Variants in PTPRB observed in about 807,000 individuals in gnomAD.
PTPRB encodes the protein protein tyrosine phosphatase receptor type B.
PTPRB carries 97 observed loss-of-function variants against 238.1 expected under a neutral mutation model. The observed-to-expected ratio is 0.41, with a 90% CI of 0.35 to 0.48. The LOEUF is 0.48. Ranked by LOEUF, PTPRB falls within the 20% of genes least tolerant of loss-of-function variation. PTPRB has a pLI of 0.30. For missense variants in PTPRB, 2,292 were observed against 2,681.9 expected, an observed-to-expected ratio of 0.85 and a Z score of 3.21; for synonymous variants, 970 against 995.4, an observed-to-expected ratio of 0.97 and a Z score of 0.48.
chr12:70,596,420 T>G (rs1236286047), intron 4 of PTPRB, 93 bp from the exon 5 acceptor site: 1 of 1,215,940 alleles, frequency 8.2e-7, no homozygotes, highest in Admixed American at 3.8e-5. Flanking sequence ...AAATAACTGC[T>G]TATTTTACTG....
chr12:70,560,953 T>A lies in PTPRB; in HGVS notation c.4169-19A>T. 6.2e-7 allele frequency: 1 copy of A among 1,606,020 alleles called. No individual in the cohort carries two copies. The highest frequency in any genetic ancestry group is 8.5e-7 in the Non-Finnish European group (1 of 1,173,728). On this transcript the variant is annotated intron_variant, in intron 16 of 33. Transcript: ENST00000334414. The surrounding 1 kb of genome is among the most constrained non-coding windows in gnomAD (Gnocchi z 4.2). ...GCTGGGACTTAAACAGAAGAAAAAT[T>A]GTTACTGAGAACAAAACAGAAACAC...
chr12:70,530,758 TG>T (rs1873116646), intron 32 of PTPRB, among the ~76,000 whole-genome samples: 1 of 152,184 alleles, frequency 6.6e-6, no homozygotes, highest in Non-Finnish European at 1.5e-5. Context: ...AAAAATTTTT[TG>T]TGGAGATGGG....
At chr12:70,592,841 G>T (rs1882623059) in intron 6 of PTPRB, among the ~76,000 whole-genome samples, 2 of 152,226 alleles carry the variant, frequency 1.3e-5, no homozygotes, top group South Asian at 4.1e-4. Context: ...CCATTAGTCA[G>T]CTGGGAAACT....
chr12:70,522,267 T>C (rs1316865493), intron 33 of PTPRB, among the ~76,000 whole-genome samples: 1 of 152,158 alleles, frequency 6.6e-6, no homozygotes, highest in Non-Finnish European at 1.5e-5. Flanking sequence ...TATAGAGAGA[T>C]ACCAGTCCAC....
chr12:70,584,601 C>T (rs564787693), intron 9 of PTPRB, among the ~76,000 whole-genome samples: 16 of 152,200 alleles, frequency 1.1e-4, no homozygotes, highest in Non-Finnish European at 1.8e-4. Context: ...CTTTTATGTG[C>T]TGAGAGAAAG....
chr12:70,546,819 GAGA>G (rs1200099265), intron 21 of PTPRB, among the ~76,000 whole-genome samples: 2 of 152,124 alleles, frequency 1.3e-5, no homozygotes, highest in African/African-American at 4.8e-5. Context: ...GAGGCTGGAG[GAGA>G]AGCAGTCCCA....
At chr12:70,549,528 CG>C (rs1210191441) in intron 21 of PTPRB, among the ~76,000 whole-genome samples, 1 of 152,168 alleles carries the variant, frequency 6.6e-6, no homozygotes, top group East Asian at 1.9e-4. Flanking sequence ...AATAAACTTG[CG>C]TATCAGCTAA....
intron 17 of PTPRB, 43 bp from the exon 18 acceptor site, chr12:70,559,667 G>A (rs771171964): frequency 6.6e-7 from 1 of 1,517,710 alleles, no homozygotes; most frequent in Non-Finnish European, 9.1e-7. Flanking sequence ...TCACAGCTAT[G>A]CCATAACATA....
chr12:70,564,233 C>T (rs1259320069), intron 15 of PTPRB, among the ~76,000 whole-genome samples: 1 of 152,254 alleles, frequency 6.6e-6, no homozygotes, highest in Admixed American at 6.5e-5. Flanking sequence ...AAGTCCCGAC[C>T]AGGTGCAGTG....
chr12:70,532,962 T>C (rs1486223674), intron 31 of PTPRB, among the ~76,000 whole-genome samples: 1 of 148,628 alleles, frequency 6.7e-6, no homozygotes, highest in Non-Finnish European at 1.5e-5. Flanking sequence ...TTTCTTTTAA[T>C]TAATTCTCTT....
At chr12:70,527,426 T>C (rs2136207974) in intron 32 of PTPRB, among the ~76,000 whole-genome samples, 1 of 152,342 alleles carries the variant, frequency 6.6e-6, no homozygotes, top group Non-Finnish European at 1.5e-5. Context: ...GCTGGTTGCA[T>C]GGGTCATGGG....
intron 2 of PTPRB, among the ~76,000 whole-genome samples, chr12:70,633,780 GT>G (rs892304614): frequency 2.0e-5 from 3 of 152,206 alleles, no homozygotes; most frequent in Admixed American, 2.0e-4. Flanking sequence ...ATAGGAGGTA[GT>G]TTTTCTATGA....
chr12:70,566,777 T>C (rs1043684159), intron 14 of PTPRB, 73 bp from the exon 15 acceptor site: 71 of 1,491,284 alleles, frequency 4.8e-5, no homozygotes, highest in Non-Finnish European at 6.1e-5. Context: ...TGAGAAAAAC[T>C]CCTGAATCAA....
At chr12:70,524,805 T>C (rs1203293478) in intron 32 of PTPRB, among the ~76,000 whole-genome samples, 1 of 152,084 alleles carries the variant, frequency 6.6e-6, no homozygotes, top group Non-Finnish European at 1.5e-5. Flanking sequence ...GCATTTTTCA[T>C]TCTTTTTATA....
chr12:70,556,412 C>T (rs536970482), intron 18 of PTPRB, among the ~76,000 whole-genome samples: 55 of 152,150 alleles, frequency 3.6e-4, no homozygotes, highest in East Asian at 1.9e-3. Context: ...AATAGTTAGA[C>T]GTGGCTGAGG....
In PTPRB at chr12:70,534,663, G is replaced by A. The variant is rs2136232604; in HGVS notation, c.6205-12C>T. 1 of 1,610,756 alleles carries A rather than the reference G, an allele frequency of 6.2e-7. No individual in the cohort carries two copies. The highest frequency in any genetic ancestry group is 8.5e-7 in the Non-Finnish European group (1 of 1,178,358). On this transcript the variant is annotated splice_polypyrimidine_tract_variant and intron_variant, in intron 30 of 33. Coordinates refer to ENST00000334414, the MANE Select transcript of PTPRB (RefSeq NM_001109754.4). ...TCAAGCTGTTCCTCCTGTAAGAGCA[G>A]AGAGCAGGATAAAAGAGGAACTGTC...
At chr12:70,595,207 C>G (rs1049088409) in intron 5 of PTPRB, among the ~76,000 whole-genome samples, 3 of 152,052 alleles carry the variant, frequency 2.0e-5, no homozygotes, top group Non-Finnish European at 4.4e-5. Flanking sequence ...AACAGAAAAC[C>G]AAACACTGCA....
At chr12:70,569,327 C>T (rs1407300656) in intron 14 of PTPRB, among the ~76,000 whole-genome samples, 1 of 152,108 alleles carries the variant, frequency 6.6e-6, no homozygotes, top group African/African-American at 2.4e-5. Flanking sequence ...TAGTCTCGAA[C>T]TCCTGAACTC....
At chr12:70,559,873 C>T (rs1007439401) in intron 17 of PTPRB, among the ~76,000 whole-genome samples, 8 of 128,826 alleles carry the variant, frequency 6.2e-5, no homozygotes, top group African/African-American at 2.4e-4. Flanking sequence ...TTTGCTCTTG[C>T]TGCCCAGGCT....
Sources: allele counts gnomAD v4.1 joint callset (sites outside exome capture counted in the v4.1 genomes callset), GRCh38; gene constraint gnomAD v4.1.1; non-coding constraint Gnocchi (gnomAD v3.1); transcripts MANE v1.5; gene names NCBI Gene and HGNC (gene_info 2026-07-23, HGNC 2026-07-21).